The following PTPN22 variants were observed in gnomAD, a reference collection of about 807,000 sequenced individuals.
The protein encoded by PTPN22 is tyrosine-protein phosphatase non-receptor type 22.
In PTPN22, 85 loss-of-function variants were observed where a neutral mutation model predicts 103.3. That is an observed-to-expected ratio of 0.82 (90% CI 0.69 to 0.99). PTPN22 has a LOEUF of 0.99. Ranked by LOEUF, PTPN22 falls within the 50% of genes least tolerant of loss-of-function variation. The pLI is 0.00. For synonymous variants in PTPN22, 323 were observed against 310.2 expected (o/e 1.04, Z -0.43); for missense variants, 865 against 936.9 (o/e 0.92, Z 1.00).
chr1:113,867,829 G>C (rs1666241731), intron 1 of PTPN22, among the ~76,000 whole-genome samples: 1 of 152,170 alleles, frequency 6.6e-6, no homozygotes, highest in African/African-American at 2.4e-5. Context: ...CCATTAACAG[G>C]ACTGCCACAT....
chr1:113,858,444 G>C, intron 4 of PTPN22, 34 bp downstream of exon 4: 2 of 1,452,312 alleles, frequency 1.4e-6, no homozygotes, highest in Non-Finnish European at 9.4e-7. Context: ...TAATAAAGTA[G>C]AGAATAAAGT....
chr1:113,825,878 T>A (rs1235724781), intron 18 of PTPN22, among the ~76,000 whole-genome samples: 1 of 152,058 alleles, frequency 6.6e-6, no homozygotes, highest in Non-Finnish European at 1.5e-5. Flanking sequence ...CATGCCTGGC[T>A]AATTTTTTGT....
At chr1:113,871,747 G>A, upstream of PTPN22, 1 of 782,946 alleles carries the variant, frequency 1.3e-6, no homozygotes, top group Non-Finnish European at 2.1e-6. Flanking sequence ...GAAGGCTGTG[G>A]TTTACTGACT....
intron 10 of PTPN22, among the ~76,000 whole-genome samples, chr1:113,849,046 T>C (rs1188661022): frequency 6.6e-6 from 1 of 152,182 alleles, no homozygotes; most frequent in East Asian, 1.9e-4. Flanking sequence ...GGTTGGTATA[T>C]AGATAGATAA....
chr1:113,834,254 G>C, intron 15 of PTPN22, 55 bp downstream of exon 15: 1 of 1,544,154 alleles, frequency 6.5e-7, no homozygotes, highest in Admixed American at 1.7e-5. Flanking sequence ...AATACAAGGA[G>C]TAGAACTGTA....
Position 113,856,452 on chromosome 1 carries a change from A to G in PTPN22, c.481-11T>C, listed in dbSNP as rs1213329520. The G allele has an allele frequency of 1.2e-6, 2 of 1,609,136 alleles. No individual in the cohort carries two copies. Among genetic ancestry groups the G allele is most frequent in the Non-Finnish European group, 1.7e-6 (2 of 1,177,726 alleles). The stretch of plus-strand genomic sequence containing the variant: ...CCTTTTTTCAGCTTCCTAAAAAGAA[A>G]AAGAAGACTCAAGTATTAGTGATTG... On this transcript the variant is annotated splice_polypyrimidine_tract_variant and intron_variant, in intron 6 of 20. Transcript: ENST00000359785.
chr1:113,850,764 A>C (rs1332492711), intron 10 of PTPN22, among the ~76,000 whole-genome samples: 2 of 152,226 alleles, frequency 1.3e-5, no homozygotes, highest in Non-Finnish European at 2.9e-5. Flanking sequence ...CACAACTTCT[A>C]GACTAAATAT....
chr1:113,865,178 T>C (rs756357420), intron 1 of PTPN22, among the ~76,000 whole-genome samples: 1 of 152,222 alleles, frequency 6.6e-6, no homozygotes, highest in Non-Finnish European at 1.5e-5. Flanking sequence ...GGATTAGCTG[T>C]TGTTACTGTG....
intron 18 of PTPN22, among the ~76,000 whole-genome samples, 158 bp from the exon 19 acceptor site, chr1:113,825,330 G>T (rs993794814): frequency 6.6e-6 from 1 of 152,070 alleles, no homozygotes; most frequent in Non-Finnish European, 1.5e-5. Context: ...TTTTAATTCA[G>T]TGCAAAACCT....
At chr1:113,837,306 C>T (rs1035897387) in intron 13 of PTPN22, among the ~76,000 whole-genome samples, 4 of 151,638 alleles carry the variant, frequency 2.6e-5, no homozygotes, top group East Asian at 1.9e-4. Flanking sequence ...AAAAATTAGC[C>T]GGGCGTGGTG....
intron 11 of PTPN22, among the ~76,000 whole-genome samples, chr1:113,843,091 C>T (rs1663721111): frequency 7.1e-5 from 1 of 14,110 alleles, no homozygotes; most frequent in Non-Finnish European, 1.7e-4. Flanking sequence ...CAGAGCGAGA[C>T]TCCGTCTCAA....
chr1:113,845,194 G>A (rs1380076276), intron 11 of PTPN22, among the ~76,000 whole-genome samples: 2 of 141,308 alleles, frequency 1.4e-5, no homozygotes, highest in African/African-American at 2.6e-5. Context: ...TTTTGTTTTT[G>A]TTTTTGTTTT....
chr1:113,847,041 A>ATT (rs71090739), intron 11 of PTPN22, among the ~76,000 whole-genome samples: 1 of 122,000 alleles, frequency 8.2e-6, no homozygotes, highest in Admixed American at 9.1e-5. Context: ...AGCTCTGTTT[A>ATT]TTTTTTTTTC....
At chr1:113,823,351 A>T (rs1661779769) in intron 19 of PTPN22, 1 of 152,276 alleles carries the variant, frequency 6.6e-6, no homozygotes, top group South Asian at 2.1e-4. Flanking sequence ...CCAGTGGGAG[A>T]TCCAGGCTAC....
chr1:113,850,989 A>G (rs1664521656), intron 10 of PTPN22, among the ~76,000 whole-genome samples: 1 of 152,188 alleles, frequency 6.6e-6, no homozygotes. Flanking sequence ...TAGAAAACTA[A>G]AACTATTGGG....
At chr1:113,866,981 A>G (rs1666175974) in intron 1 of PTPN22, among the ~76,000 whole-genome samples, 1 of 152,138 alleles carries the variant, frequency 6.6e-6, no homozygotes, top group South Asian at 2.1e-4. Context: ...TCCTGGACTC[A>G]AGCCATCTGC....
intron 11 of PTPN22, among the ~76,000 whole-genome samples, chr1:113,845,200 G>C (rs150362000): frequency 2.9e-5 from 4 of 137,658 alleles, no homozygotes; most frequent in Non-Finnish European, 6.3e-5. Flanking sequence ...TTTTGTTTTT[G>C]TTTTTTTTTT....
intron 18 of PTPN22, among the ~76,000 whole-genome samples, chr1:113,825,860 C>A (rs1045635500): frequency 4.6e-5 from 7 of 151,924 alleles, no homozygotes; most frequent in Non-Finnish European, 8.8e-5. Flanking sequence ...ACTACAGGCA[C>A]CTGCTACCAT....
intron 1 of PTPN22, 82 bp from the exon 2 acceptor site, chr1:113,859,542 T>C (rs548817641): frequency 4.6e-6 from 5 of 1,086,250 alleles, no homozygotes; most frequent in Non-Finnish European, 6.9e-6. Context: ...CCTTTTCCAC[T>C]GGCAAAACAT....
Sources: gnomAD v4.1 joint callset for allele counts (sites outside exome capture counted in the v4.1 genomes callset) on GRCh38, gnomAD v4.1.1 for gene constraint, MANE v1.5 for transcripts, NCBI Gene and HGNC (gene_info 2026-07-23, HGNC 2026-07-21) for gene names.